NUDT14: variants seen among roughly 807,000 people sequenced by gnomAD.
NUDT14 encodes the protein uridine diphosphate glucose pyrophosphatase NUDT14.
In NUDT14, 22 loss-of-function variants were observed where a neutral mutation model predicts 17.5. The ratio of observed to expected loss-of-function variants is 1.26; its 90% CI spans 0.90 to 1.80. The LOEUF is 1.80. NUDT14 is among the 40% of genes most tolerant of loss of function. The pLI, the probability that NUDT14 is intolerant of heterozygous loss-of-function variation, is 0.00. For synonymous variants in NUDT14, 129 were observed against 125.8 expected, an observed-to-expected ratio of 1.03 and a Z score of -0.17; for missense variants, 296 against 295.6, an observed-to-expected ratio of 1.00 and a Z score of -0.01.
chr14:105,181,107 G>A lies in NUDT14; in HGVS notation c.81+22C>T, dbSNP rs1010137356. 3.0e-5 allele frequency: 28 copies of A among 943,166 alleles called. No homozygotes were observed. The African/African-American group carries it at 5.0e-4, about 17-fold the overall frequency. 58.4% of individuals were successfully genotyped at this position (943,166 alleles called of 1,614,324 possible). A position where few individuals can be genotyped will look rare whatever the true frequency, so the allele number is the denominator to read the frequency against. ...GCCGGGCCGCCGGCGGGGGCGCGGG[G>A]GACGCGGGGGCGCGGGCTCACCTGG... On this transcript the variant is annotated intron_variant, in intron 1 of 4. Coordinates refer to ENST00000392568, the MANE Select transcript of NUDT14 (RefSeq NM_177533.5). This position sits in a 1 kb window ranked among gnomAD's most constrained non-coding sequence, Gnocchi z 5.0.
chr14:105,180,532 C>T (rs1683923668), intron 1 of NUDT14, among the ~76,000 whole-genome samples: 1 of 152,212 alleles, frequency 6.6e-6, no homozygotes, highest in Admixed American at 6.5e-5. Flanking sequence ...TGAGGCAATA[C>T]AGCCTCTTGT....
At chr14:105,179,760 C>T (rs1889288693) in intron 1 of NUDT14, among the ~76,000 whole-genome samples, 1 of 152,232 alleles carries the variant, frequency 6.6e-6, no homozygotes, top group Admixed American at 6.5e-5. Context: ...CTTAGCTTCG[C>T]CTTGGGGAGA....
At position 105,176,697 on chromosome 14, in the gene NUDT14, G is replaced by A; in HGVS notation, c.265C>T (p.Leu89=). 1 of 1,612,782 alleles carries A rather than the reference G, an allele frequency of 6.2e-7. No homozygotes were observed. The highest frequency in any genetic ancestry group is 2.2e-5 in the East Asian group (1 of 44,886). The part of the protein sequence containing the change: ...AAVDQDGPRE[L]QPALPGSAGV... The stretch of plus-strand genomic sequence containing the variant: ...GCTGAGCCGGGCAGGGCTGGCTGTA[G>A]CTCCCGAGGCCCGTCCTGGTCTACA... Residue 89 remains leucine (L), a synonymous_variant, in exon 4 of 5, where the codon CTA becomes TTA. Transcript: ENST00000392568.
rs1889316850 is a variant in NUDT14 at position 105,181,077 on chromosome 14, C to G, written c.81+52G>C. ...GGAAGATGGTGGGCGGGGCGCGGGTCGTGGGCCGGGCCGCCGGCGGGGGCG... is the reference window on the plus strand; with the variant it reads ...GGAAGATGGTGGGCGGGGCGCGGGTGGTGGGCCGGGCCGCCGGCGGGGGCG... On this transcript the variant is annotated intron_variant, in intron 1 of 4. Coordinates refer to ENST00000392568, the MANE Select transcript of NUDT14 (RefSeq NM_177533.5). This position sits in a 1 kb window ranked among gnomAD's most constrained non-coding sequence, Gnocchi z 5.0. 1.9e-6 allele frequency: 1 copy of G among 531,632 alleles called. No homozygotes were observed. The highest frequency in any genetic ancestry group is 8.0e-5 in the South Asian group (1 of 12,468). The allele number at this position is 531,632 out of a possible 1,614,324, so 32.9% of individuals were successfully genotyped here.
At chr14:105,178,015 C>T (rs1889253559) in intron 1 of NUDT14, among the ~76,000 whole-genome samples, 1 of 152,160 alleles carries the variant, frequency 6.6e-6, no homozygotes, top group Non-Finnish European at 1.5e-5. Context: ...CTGCCCAGCA[C>T]AGACCGAGCA....
At chr14:105,180,198 C>T (rs1004953536) in intron 1 of NUDT14, among the ~76,000 whole-genome samples, 1 of 152,192 alleles carries the variant, frequency 6.6e-6, no homozygotes, top group Non-Finnish European at 1.5e-5. Context: ...AACACATATG[C>T]CTCATGCCTG....
intron 4 of NUDT14, chr14:105,176,333 C>T (rs587598995): frequency 1.1e-4 from 69 of 612,050 alleles, no homozygotes; most frequent in African/African-American, 9.4e-4. Flanking sequence ...GGCATGGGGC[C>T]GAGACGCTGC....
chr14:105,180,926 CCGCGG>C (rs755060316), intron 1 of NUDT14, among the ~76,000 whole-genome samples, 198 bp downstream of exon 1: 3 of 152,132 alleles, frequency 2.0e-5, no homozygotes, highest in African/African-American at 4.8e-5. Context: ...GATGTCCCTC[CCGCGG>C]CCCCTCCCCG....
At chr14:105,177,840 C>A in intron 1 of NUDT14, 105 bp from the exon 2 acceptor site, 1 of 1,096,854 alleles carries the variant, frequency 9.1e-7, no homozygotes, top group South Asian at 1.4e-5. Context: ...CCAGGGAGAT[C>A]GGCTCGTGGC....
intron 1 of NUDT14, among the ~76,000 whole-genome samples, chr14:105,180,916 G>T (rs587659195): frequency 3.8e-4 from 58 of 152,248 alleles, no homozygotes; most frequent in Non-Finnish European, 7.9e-4. Context: ...TGCCCCCTCA[G>T]ATGTCCCTCC....
rs1011315759 is a variant in NUDT14 at position 105,173,302 on chromosome 14, C to A, written c.429-41G>T. Reference sequence around the variant, plus strand: ...GGGTCTGCTGAGTCACCCACGCTGGCCCCGCTGGCCCCCTGGCCCTTCTAC... The same window carrying A: ...GGGTCTGCTGAGTCACCCACGCTGGACCCGCTGGCCCCCTGGCCCTTCTAC... On this transcript the variant is annotated intron_variant, in intron 4 of 4. Coordinates refer to ENST00000392568, the MANE Select transcript of NUDT14 (RefSeq NM_177533.5). The surrounding 1 kb of genome is among the most constrained non-coding windows in gnomAD (Gnocchi z 4.7). The A allele has an allele frequency of 6.8e-7, 1 of 1,460,572 alleles. No homozygotes were observed. The highest frequency in any genetic ancestry group is 1.8e-4 in the Middle Eastern group (1 of 5,460). The allele number at this position is 1,460,572 out of a possible 1,614,324, so 90.5% of individuals were successfully genotyped here. A position where few individuals can be genotyped will look rare whatever the true frequency, so the allele number is the denominator to read the frequency against.
chr14:105,177,351 A>T (rs891409404), intron 2 of NUDT14: 7 of 552,962 alleles, frequency 1.3e-5, no homozygotes, highest in Non-Finnish European at 2.3e-5. Context: ...GCCCTCACTG[A>T]GCAGCTGCCC....
At chr14:105,179,284 G>A (rs1422891604) in intron 1 of NUDT14, among the ~76,000 whole-genome samples, 1 of 152,216 alleles carries the variant, frequency 6.6e-6, no homozygotes, top group Admixed American at 6.5e-5. Context: ...GGGGTCCCCT[G>A]CCTTTGGTCT....
intron 1 of NUDT14, among the ~76,000 whole-genome samples, chr14:105,179,626 G>A (rs1595201998): frequency 6.6e-6 from 1 of 152,256 alleles, no homozygotes; most frequent in African/African-American, 2.4e-5. Context: ...ACCCAGCCCT[G>A]TGGGGACTGT....
intron 4 of NUDT14, among the ~76,000 whole-genome samples, chr14:105,174,642 C>T (rs889311495): frequency 3.3e-5 from 5 of 152,174 alleles, no homozygotes; most frequent in Admixed American, 2.0e-4. Flanking sequence ...GCGGCGGCCG[C>T]GGCTGCGCCT....
intron 1 of NUDT14, among the ~76,000 whole-genome samples, chr14:105,178,689 C>T (rs1889268606): frequency 6.6e-6 from 1 of 152,210 alleles, no homozygotes; most frequent in African/African-American, 2.4e-5. Context: ...GGGGCTCTGC[C>T]CAGGGCTGTG....
At chr14:105,174,658 G>A (rs993706470) in intron 4 of NUDT14, among the ~76,000 whole-genome samples, 2 of 152,184 alleles carry the variant, frequency 1.3e-5, no homozygotes, top group Non-Finnish European at 2.9e-5. Flanking sequence ...CGCCTCTGAG[G>A]GAAGTGGCGG....
intron 4 of NUDT14, chr14:105,175,786 G>C (rs1481152720): frequency 2.0e-6 from 2 of 1,015,274 alleles, no homozygotes; most frequent in East Asian, 2.2e-4. Context: ...TGCTGAGGTG[G>C]GAGGGCCCCA....
intron 4 of NUDT14, among the ~76,000 whole-genome samples, chr14:105,174,963 G>A (rs1300629168): frequency 2.0e-5 from 3 of 152,166 alleles, no homozygotes; most frequent in Non-Finnish European, 4.4e-5. Flanking sequence ...CCTCAGAGAC[G>A]GACACCCTGA....
Sources: gnomAD v4.1 joint callset for allele counts (sites outside exome capture counted in the v4.1 genomes callset) on GRCh38, gnomAD v4.1.1 for gene constraint, Gnocchi (gnomAD v3.1) non-coding constraint, MANE v1.5 for transcripts, NCBI Gene and HGNC (gene_info 2026-07-23, HGNC 2026-07-21) for gene names.